EPM2A: variants seen among roughly 807,000 people sequenced by gnomAD.
EPM2A encodes the protein EPM2A glucan phosphatase, laforin.
Under a neutral mutation model 26.5 loss-of-function variants are expected in EPM2A, and 21 were observed. The ratio of observed to expected loss-of-function variants is 0.79; its 90% CI spans 0.56 to 1.14. EPM2A has a LOEUF of 1.14. Ranked by LOEUF, EPM2A falls within the 50% of genes most tolerant of loss-of-function variation. EPM2A has a pLI of 0.00. For synonymous variants in EPM2A, 217 were observed against 177.6 expected (o/e 1.22, Z -1.76); for missense variants, 458 against 440.8 (o/e 1.04, Z -0.35).
At chr6:145,426,612 A>T (rs1778857722) in intron 4 of EPM2A, among the ~76,000 whole-genome samples, 1 of 152,146 alleles carries the variant, frequency 6.6e-6, no homozygotes, top group Admixed American at 6.5e-5. Flanking sequence ...GTATACAGAG[A>T]TTTTTCTTGT....
At chr6:145,573,159 C>T (rs1388378207) in intron 2 of EPM2A, among the ~76,000 whole-genome samples, 1 of 152,214 alleles carries the variant, frequency 6.6e-6, no homozygotes, top group African/African-American at 2.4e-5. Context: ...AGCAGAATGT[C>T]ATCAATGTTA....
intron 2 of EPM2A, among the ~76,000 whole-genome samples, chr6:145,529,793 C>T (rs1780329289): frequency 6.6e-6 from 1 of 152,148 alleles, no homozygotes; most frequent in African/African-American, 2.4e-5. Flanking sequence ...AGCTTAGGCT[C>T]CAGGCTCAGT....
chr6:145,513,381 A>G (rs1780082361), intron 2 of EPM2A, among the ~76,000 whole-genome samples: 1 of 152,212 alleles, frequency 6.6e-6, no homozygotes, highest in Admixed American at 6.5e-5. Flanking sequence ...CAGAATGGCT[A>G]TTATTAAAAA....
At chr6:145,580,699 T>C (rs1401351339) in intron 2 of EPM2A, among the ~76,000 whole-genome samples, 3 of 152,106 alleles carry the variant, frequency 2.0e-5, no homozygotes, top group African/African-American at 4.8e-5. Context: ...GGCCCCAGTT[T>C]CTATTTTTCC....
intron 4 of EPM2A, among the ~76,000 whole-genome samples, chr6:145,433,897 G>C (rs562511792): frequency 2.0e-5 from 3 of 152,032 alleles, no homozygotes; most frequent in African/African-American, 7.2e-5. Context: ...TTTGTATGTA[G>C]TTCCAGCTGG....
At chr6:145,540,903 T>C (rs1780497420) in intron 2 of EPM2A, among the ~76,000 whole-genome samples, 2 of 152,122 alleles carry the variant, frequency 1.3e-5, no homozygotes, top group Admixed American at 1.3e-4. Context: ...CTAAATCTGT[T>C]CTCATCTCTG....
chr6:145,440,026 T>C (rs186461160), intron 4 of EPM2A, among the ~76,000 whole-genome samples: 231 of 152,370 alleles, frequency 1.5e-3, no homozygotes, highest in African/African-American at 5.0e-3. Context: ...TTCAGTCTTC[T>C]GCATATAGTT....
At chr6:145,472,012 T>C (rs539235642) in intron 4 of EPM2A, among the ~76,000 whole-genome samples, 1 of 150,590 alleles carries the variant, frequency 6.6e-6, no homozygotes, top group African/African-American at 2.4e-5. Flanking sequence ...TTCCTTCTGC[T>C]TGAGGAGAGG....
chr6:145,727,105 T>C (rs904247060), intron 1 of EPM2A, among the ~76,000 whole-genome samples: 1 of 152,158 alleles, frequency 6.6e-6, no homozygotes, highest in Non-Finnish European at 1.5e-5. Flanking sequence ...AGCTCAGCTA[T>C]GGTTACTCAA....
intron 1 of EPM2A, among the ~76,000 whole-genome samples, chr6:145,734,046 T>A (rs144693605): frequency 3.2e-4 from 40 of 123,282 alleles, no homozygotes; most frequent in African/African-American, 8.8e-4. Flanking sequence ...CAGTCTTTAA[T>A]GAAGTGTTAA....
chr6:145,638,864 G>C (rs1376960896), intron 2 of EPM2A: 2 of 152,080 alleles, frequency 1.3e-5, no homozygotes, highest in African/African-American at 2.4e-5. Flanking sequence ...TCTAGTTATA[G>C]GATTCACTGG....
intron 4 of EPM2A, among the ~76,000 whole-genome samples, chr6:145,430,882 GT>G (rs1778912555): frequency 6.6e-6 from 1 of 152,088 alleles, no homozygotes; most frequent in South Asian, 2.1e-4. Context: ...TCAGAAAGAT[GT>G]TTTTCAGCAA....
In EPM2A at chr6:145,686,247, C is replaced by T; in HGVS notation, c.351G>A (p.Leu117=). ...DRCCTYNENN[L]VDGVYCLPIG... is the part of the protein sequence containing the mutation. ...TTGGGAGACAATACACACCATCCAC[C>T]AAGTTGTTTTCATTGTAAGTACAGC... Residue 117 remains leucine, a synonymous_variant, in exon 2 of 4, where the codon TTG becomes TTA. Transcript: ENST00000367519. 6.2e-7 allele frequency: 1 copy of T among 1,613,894 alleles called. No homozygotes were observed. Among genetic ancestry groups the T allele is most frequent in the Non-Finnish European group, 8.5e-7 (1 of 1,179,862 alleles).
intron 2 of EPM2A, among the ~76,000 whole-genome samples, chr6:145,612,104 C>T (rs1775404144): frequency 6.6e-6 from 1 of 152,142 alleles, no homozygotes; most frequent in African/African-American, 2.4e-5. Context: ...TACCCTGAAA[C>T]ATGTATATTT....
intron 1 of EPM2A, among the ~76,000 whole-genome samples, chr6:145,719,625 TAATA>T (rs535491917): frequency 1.3e-5 from 2 of 152,054 alleles, no homozygotes; most frequent in African/African-American, 4.8e-5. Context: ...AGTATAATAA[TAATA>T]AATAAATAAA....
chr6:145,583,559 A>G (rs1051091590), intron 2 of EPM2A, among the ~76,000 whole-genome samples: 5 of 152,176 alleles, frequency 3.3e-5, no homozygotes, highest in African/African-American at 1.2e-4. Flanking sequence ...CCAGTCCACT[A>G]GCCCCAACAT....
At chr6:145,663,132 A>T (rs1475505863) in intron 2 of EPM2A, among the ~76,000 whole-genome samples, 1 of 152,210 alleles carries the variant, frequency 6.6e-6, no homozygotes, top group Non-Finnish European at 1.5e-5. Flanking sequence ...ATCCTCTCAT[A>T]AAATGCCTTT....
intron 4 of EPM2A, among the ~76,000 whole-genome samples, chr6:145,457,074 C>G (rs9497312): frequency 0.055 from 8,358 of 152,172 alleles, 774 homozygotes; most frequent in African/African-American, 0.19. Context: ...TATATTAGCT[C>G]GCTTCATGCT....
intron 2 of EPM2A, among the ~76,000 whole-genome samples, chr6:145,654,605 T>C (rs145181889): frequency 2.1e-4 from 32 of 152,336 alleles, no homozygotes; most frequent in South Asian, 8.3e-4. Context: ...GTCAAGTTCA[T>C]TATACCTGAT....
Sources: gnomAD v4.1 joint callset for allele counts (sites outside exome capture counted in the v4.1 genomes callset) on GRCh38, gnomAD v4.1.1 for gene constraint, MANE v1.5 for transcripts, NCBI Gene and HGNC (gene_info 2026-07-23, HGNC 2026-07-21) for gene names.